LRP1B: variants seen among roughly 807,000 people sequenced by gnomAD.
LRP1B encodes the protein low-density lipoprotein receptor-related protein 1B.
A neutral mutation model predicts 556.6 loss-of-function variants in LRP1B; 217 were observed. That is an observed-to-expected ratio of 0.39 (90% confidence interval 0.35 to 0.44). LRP1B has a LOEUF of 0.44. LRP1B is among the 20% of genes least tolerant of loss of function. LRP1B has a pLI of 1.00. For synonymous variants in LRP1B, 2,047 were observed against 1,865.8 expected (o/e 1.10, Z -2.50); for missense variants, 5,053 against 5,620.8 (o/e 0.90, Z 3.23).
At chr2:141,814,287 G>A (rs574639552) in intron 1 of LRP1B, among the ~76,000 whole-genome samples, 226 of 152,192 alleles carry the variant, frequency 1.5e-3, no homozygotes, top group Non-Finnish European at 2.4e-3. Flanking sequence ...TTTCTTATCT[G>A]GGGCCTACAG....
At chr2:140,906,672 A>G (rs1694263242) in intron 22 of LRP1B, among the ~76,000 whole-genome samples, 2 of 152,128 alleles carry the variant, frequency 1.3e-5, no homozygotes, top group Admixed American at 6.6e-5. Context: ...TTCCATAATT[A>G]CATTCTTTAA....
chr2:141,882,899 G>C (rs1698998820), intron 1 of LRP1B, among the ~76,000 whole-genome samples: 1 of 152,094 alleles, frequency 6.6e-6, no homozygotes, highest in Non-Finnish European at 1.5e-5. Context: ...ACCAGCTGAT[G>C]AGTCAAATGT....
intron 14 of LRP1B, 97 bp from the exon 15 acceptor site, chr2:141,005,554 T>G: frequency 9.9e-7 from 1 of 1,009,528 alleles, no homozygotes; most frequent in Non-Finnish European, 1.4e-6. Flanking sequence ...ATATATGCTA[T>G]GTATATTATA....
Position 140,394,204 on chromosome 2 carries a change from T to C in LRP1B, c.10415-8195A>G, listed in dbSNP as rs140587781. Among the ~76,000 whole-genome samples, 171 of 152,078 alleles carry C rather than the reference T, an allele frequency of 1.1e-3. 2 individuals are homozygous for C. The highest frequency in any genetic ancestry group is 3.4e-3 in the African/African-American group (142 of 41,486). On this transcript the variant is annotated intron_variant, in intron 66 of 90. Transcript: ENST00000389484. ...TTATTGTTTTAATCAGCTTTCATTT[T>C]TGTTTTGTTTTTTGAAACTACTGTT...
chr2:140,657,215 A>G (rs1280069685), intron 41 of LRP1B, among the ~76,000 whole-genome samples: 1 of 151,886 alleles, frequency 6.6e-6, no homozygotes, highest in African/African-American at 2.4e-5. Flanking sequence ...AAAAAATTCT[A>G]TTTGATTGCT....
At chr2:140,698,881 T>C (rs764203743) in intron 41 of LRP1B, among the ~76,000 whole-genome samples, 2 of 152,196 alleles carry the variant, frequency 1.3e-5, no homozygotes, top group Admixed American at 6.6e-5. Flanking sequence ...CTCTAACTTA[T>C]GCATAGCTTC....
intron 33 of LRP1B, among the ~76,000 whole-genome samples, chr2:140,774,535 G>T (rs796995549): frequency 2.0e-4 from 30 of 152,182 alleles, no homozygotes; most frequent in African/African-American, 6.7e-4. Flanking sequence ...ATTTTTAAAT[G>T]CTCTGTTTGG....
At chr2:140,992,735 T>C (rs1174843756) in intron 16 of LRP1B, 1 of 152,078 alleles carries the variant, frequency 6.6e-6, no homozygotes, top group African/African-American at 2.4e-5. Flanking sequence ...AATACTCATT[T>C]ATGTAAATTA....
chr2:140,297,798 T>C lies in LRP1B; in HGVS notation c.12967+10A>G, dbSNP rs753958733. 6 of 1,602,336 alleles carry C rather than the reference T, an allele frequency of 3.7e-6. No individual in the cohort carries two copies. Among genetic ancestry groups the C allele is most frequent in the African/African-American group, 1.3e-5 (1 of 74,636 alleles). On this transcript the variant is annotated intron_variant, in intron 84 of 90. Coordinates refer to ENST00000389484, the MANE Select transcript of LRP1B (RefSeq NM_018557.3). ...ATCAAAGCTGGCTTCTGGGTGCTGC[T>C]TTTACTTACAGTACTGACATCTGTC... is the stretch of plus-strand genomic sequence containing the variant.
intron 32 of LRP1B, among the ~76,000 whole-genome samples, chr2:140,776,819 C>T (rs1689516345): frequency 6.6e-6 from 1 of 152,016 alleles, no homozygotes; most frequent in South Asian, 2.1e-4. Flanking sequence ...ATACCGGTAC[C>T]ACCTACTGAG....
At chr2:140,887,957 A>C (rs1014396827) in intron 23 of LRP1B, among the ~76,000 whole-genome samples, 2 of 152,300 alleles carry the variant, frequency 1.3e-5, no homozygotes, top group Admixed American at 1.3e-4. Context: ...AAAGTGCTCA[A>C]AATTAAATAG....
At chr2:141,051,782 G>T (rs1171982716) in intron 10 of LRP1B, among the ~76,000 whole-genome samples, 3 of 151,894 alleles carry the variant, frequency 2.0e-5, no homozygotes, top group East Asian at 3.9e-4. Flanking sequence ...TGTGAATTTT[G>T]TGATTAATAT....
At chr2:141,045,512 A>G (rs993986710) in intron 11 of LRP1B, among the ~76,000 whole-genome samples, 3 of 152,238 alleles carry the variant, frequency 2.0e-5, no homozygotes, top group South Asian at 2.1e-4. Flanking sequence ...ACACCTGGCA[A>G]GAATGGCTAA....
intron 16 of LRP1B, among the ~76,000 whole-genome samples, chr2:140,990,751 A>T (rs79136698): frequency 1.3e-3 from 191 of 152,228 alleles, no homozygotes; most frequent in African/African-American, 4.4e-3. Context: ...TCCATTCCAG[A>T]GGCTAAATTC....
At chr2:140,317,019 G>A (rs530253124) in intron 82 of LRP1B, among the ~76,000 whole-genome samples, 87 of 152,202 alleles carry the variant, frequency 5.7e-4, no homozygotes, top group South Asian at 1.0e-3. Context: ...TGGAGCTCCG[G>A]CGGAATACCA....
At chr2:140,372,577 A>C (rs1182865644) in intron 69 of LRP1B, among the ~76,000 whole-genome samples, 1 of 152,172 alleles carries the variant, frequency 6.6e-6, no homozygotes, top group African/African-American at 2.4e-5. Flanking sequence ...TTTTGGCCCA[A>C]GATGTAAATA....
Position 140,308,381 on chromosome 2 carries a change from C to T in LRP1B, c.12805+6554G>A, listed in dbSNP as rs576166061. On this transcript the variant is annotated intron_variant, in intron 83 of 90. Transcript: ENST00000389484. ...CGCTTGAACAAGTATGGCTGATTGC[C>T]AAAAAGGAATGCTAGCAAAAGTAAT... Among the ~76,000 whole-genome samples, 5 of 151,852 alleles carry T rather than the reference C, an allele frequency of 3.3e-5. No individual in the cohort carries two copies. The East Asian group carries it at 7.7e-4, about 23-fold the overall frequency.
Position 141,575,401 on chromosome 2 carries a change from A to G in LRP1B, c.206-94868T>C, listed in dbSNP as rs1686700192. On this transcript the variant is annotated intron_variant, in intron 2 of 90. Coordinates refer to ENST00000389484, the MANE Select transcript of LRP1B (RefSeq NM_018557.3). ...AGTGAATGATGCTGGGAAAACCGGC[A>G]AGCCATATGCAGAAAACTGCAACTG... Among the ~76,000 whole-genome samples the G allele has an allele frequency of 2.0e-5, 3 of 152,202 alleles. No individual in the cohort carries two copies. The South Asian group carries it at 6.2e-4, about 31-fold the overall frequency.
chr2:141,945,755 GC>G lies in LRP1B; in HGVS notation c.83-135355del, dbSNP rs1700935543. On this transcript the variant is annotated intron_variant, in intron 1 of 90. Transcript: ENST00000389484. ...CATTCCAAGTTGTACAGAAATCAAT[GC>G]ACTTCATCTGTCTCATAAATCTCAG... 5.4e-5 allele frequency among the ~76,000 whole-genome samples: 8 copies of G among 147,248 alleles called. No homozygotes were observed. In the Admixed American group the frequency reaches 5.7e-4, roughly 10 times the overall value.
Sources: gnomAD v4.1 joint callset for allele counts (sites outside exome capture counted in the v4.1 genomes callset) on GRCh38, gnomAD v4.1.1 for gene constraint, MANE v1.5 for transcripts, NCBI Gene and HGNC (gene_info 2026-07-23, HGNC 2026-07-21) for gene names.